KALRN: variants seen among roughly 807,000 people sequenced by gnomAD.
KALRN encodes the protein kalirin RhoGEF kinase.
A neutral mutation model predicts 353.7 loss-of-function variants in KALRN; 70 were observed. The ratio of observed to expected loss-of-function variants is 0.20; its 90% CI spans 0.16 to 0.24. The LOEUF (loss-of-function observed/expected upper bound fraction) is 0.24. KALRN is among the 10% of genes least tolerant of loss of function. The pLI, the probability that KALRN is intolerant of heterozygous loss-of-function variation, is 1.00. For synonymous variants in KALRN, 1,391 were observed against 1,434.8 expected (o/e 0.97, Z 0.69); for missense variants, 2,791 against 3,756.7 (o/e 0.74, Z 6.72).
At chr3:124,583,810 C>A (rs2074851933) in intron 34 of KALRN, among the ~76,000 whole-genome samples, 1 of 152,142 alleles carries the variant, frequency 6.6e-6, no homozygotes, top group Admixed American at 6.5e-5. Flanking sequence ...AATTCTCGGG[C>A]CCCACCTCCT....
At chr3:124,556,526 GGA>G (rs1444696154) in intron 33 of KALRN, among the ~76,000 whole-genome samples, 1 of 152,214 alleles carries the variant, frequency 6.6e-6, no homozygotes, top group Non-Finnish European at 1.5e-5. Flanking sequence ...AGTAGAGGAA[GGA>G]TTTGAAGCAG....
rs753389167 is a variant in KALRN at position 124,455,365 on chromosome 3, C to T, written c.3735+6C>T. 223 of 1,612,998 alleles carry T rather than the reference C, an allele frequency of 1.4e-4. No individual in the cohort carries two copies. Among genetic ancestry groups the T allele is most frequent in the Non-Finnish European group, 6.4e-5 (76 of 1,179,326 alleles). ...CCCTAGGAGTCAACACAGAGGTAGGCAGGGGTATTGTCCTCTGGGACATCC... is the reference window on the plus strand; with the variant it reads ...CCCTAGGAGTCAACACAGAGGTAGGTAGGGGTATTGTCCTCTGGGACATCC... On this transcript the variant is annotated splice_donor_region_variant and intron_variant, in intron 22 of 59. Coordinates refer to ENST00000682506, the MANE Select transcript of KALRN (RefSeq NM_001388419.1).
chr3:124,584,568 G>A, intron 34 of KALRN: 1 of 1,303,632 alleles, frequency 7.7e-7, no homozygotes, highest in East Asian at 3.0e-5. Flanking sequence ...GGCCGCTGCT[G>A]GCCAGGTCTC....
intron 34 of KALRN, among the ~76,000 whole-genome samples, chr3:124,582,684 G>T (rs183091045): frequency 6.6e-4 from 100 of 151,612 alleles, no homozygotes; most frequent in African/African-American, 2.3e-3. Context: ...CTCAATAAAT[G>T]TAAGCTATTA....
At chr3:124,544,657 A>G (rs893913408) in intron 33 of KALRN, among the ~76,000 whole-genome samples, 2 of 151,894 alleles carry the variant, frequency 1.3e-5, no homozygotes, top group Admixed American at 6.6e-5. Context: ...TATAGATCTC[A>G]CTATGTAACA....
At chr3:124,143,533 C>G (rs1022407936) in intron 1 of KALRN, among the ~76,000 whole-genome samples, 1 of 152,158 alleles carries the variant, frequency 6.6e-6, no homozygotes, top group African/African-American at 2.4e-5. Flanking sequence ...GGGTGGGTCC[C>G]TTAACTTAGT....
Position 124,563,002 on chromosome 3 carries a change from T to C in KALRN, c.5095T>C (p.Leu1699=), listed in dbSNP as rs2109876708. The change falls in exon 34 of 60, where the codon TTG becomes CTG. Residue 1699 remains leucine, a synonymous_variant. Coordinates refer to ENST00000682506, the MANE Select transcript of KALRN (RefSeq NM_001388419.1). The part of the protein sequence containing the change: ...LVRTTERSPP[L]EGLVPSSALC... ...CCGTACCACCGAACGGAGCCCGCCC[T>C]TGGAGGGTCTGGTCCCCAGCAGCGC... 1.5e-6 allele frequency: 2 copies of C among 1,367,870 alleles called. No homozygotes were observed. The highest frequency in any genetic ancestry group is 1.1e-5 in the South Asian group (1 of 88,040). 84.7% of individuals were successfully genotyped at this position (1,367,870 alleles called of 1,614,324 possible).
intron 3 of KALRN, 72 bp from the exon 4 acceptor site, chr3:124,264,426 G>C: frequency 3.7e-6 from 5 of 1,335,158 alleles, no homozygotes; most frequent in Non-Finnish European, 5.2e-6. Flanking sequence ...AGGTTTCCGG[G>C]TGCTTTTTGA....
intron 15 of KALRN, among the ~76,000 whole-genome samples, chr3:124,430,431 A>T (rs1446988932): frequency 6.6e-6 from 1 of 152,224 alleles, no homozygotes; most frequent in Non-Finnish European, 1.5e-5. Context: ...GAGGGGTGAC[A>T]TGGAGCTGGG....
intron 1 of KALRN, among the ~76,000 whole-genome samples, chr3:124,179,352 A>T (rs376482744): frequency 1.3e-5 from 2 of 152,190 alleles, no homozygotes; most frequent in South Asian, 4.1e-4. Flanking sequence ...GGTCAGAATC[A>T]TCAATATCAC....
At chr3:124,591,089 C>T (rs2075724148) in intron 34 of KALRN, among the ~76,000 whole-genome samples, 1 of 152,062 alleles carries the variant, frequency 6.6e-6, no homozygotes, top group Non-Finnish European at 1.5e-5. Context: ...GAATGCACTG[C>T]CTGGAGCCAT....
intron 34 of KALRN, among the ~76,000 whole-genome samples, chr3:124,595,508 G>T (rs145325674): frequency 6.6e-6 from 1 of 152,228 alleles, no homozygotes; most frequent in East Asian, 1.9e-4. Flanking sequence ...GATTTGTTCT[G>T]ATTGAAATAA....
intron 1 of KALRN, among the ~76,000 whole-genome samples, chr3:124,147,148 G>T (rs1341561990): frequency 6.6e-6 from 1 of 152,122 alleles, no homozygotes; most frequent in Non-Finnish European, 1.5e-5. Flanking sequence ...AGTGAGTGGT[G>T]GGCCTACATT....
At chr3:124,433,168 G>A (rs1443608200) in intron 16 of KALRN, among the ~76,000 whole-genome samples, 2 of 152,022 alleles carry the variant, frequency 1.3e-5, no homozygotes, top group Non-Finnish European at 2.9e-5. Flanking sequence ...TTGGTGGGGA[G>A]CATAATTTGA....
intron 28 of KALRN, among the ~76,000 whole-genome samples, chr3:124,485,253 A>G (rs1275040782): frequency 6.6e-6 from 1 of 152,254 alleles, no homozygotes; most frequent in Non-Finnish European, 1.5e-5. Flanking sequence ...ACAAAAGGAA[A>G]GAAAGACAAA....
intron 1 of KALRN, among the ~76,000 whole-genome samples, chr3:124,199,027 T>C (rs1309969610): frequency 1.2e-4 from 19 of 152,204 alleles, no homozygotes; most frequent in Admixed American, 1.2e-3. Flanking sequence ...AAGTAAGGCA[T>C]GCTGCAGACC....
intron 21 of KALRN, among the ~76,000 whole-genome samples, chr3:124,451,511 C>T (rs535611658): frequency 3.2e-4 from 48 of 152,256 alleles, no homozygotes; most frequent in African/African-American, 1.1e-3. Flanking sequence ...TACTTCTGAA[C>T]TTTTCATTCA....
At chr3:124,061,059 C>T (rs556010813) in intron 1 of KALRN, among the ~76,000 whole-genome samples, 50 of 152,328 alleles carry the variant, frequency 3.3e-4, no homozygotes, top group African/African-American at 1.0e-3. Context: ...GAGACAGTGA[C>T]GATAGGGCCT....
intron 19 of KALRN, among the ~76,000 whole-genome samples, chr3:124,442,529 C>T (rs2093699598): frequency 1.3e-5 from 2 of 152,136 alleles, no homozygotes; most frequent in African/African-American, 4.8e-5. Flanking sequence ...ACTGAGAATC[C>T]TAAAACCAAA....
Sources: allele counts gnomAD v4.1 joint callset (sites outside exome capture counted in the v4.1 genomes callset), GRCh38; gene constraint gnomAD v4.1.1; transcripts MANE v1.5; gene names NCBI Gene and HGNC (gene_info 2026-07-23, HGNC 2026-07-21).